The following ABCB5 variants were observed in gnomAD, a reference collection of about 807,000 sequenced individuals.
ABCB5 encodes the protein ATP binding cassette subfamily B member 5, also known as ATP-binding cassette sub-family B member 5.
ABCB5 carries 155 observed loss-of-function variants against 144.2 expected under a neutral mutation model. That is an observed-to-expected ratio of 1.08 (90% CI 0.94 to 1.23). The LOEUF (loss-of-function observed/expected upper bound fraction) is 1.23. Among genes scored for constraint, ABCB5 ranks in the 50% most tolerant of loss-of-function variants. The pLI is 0.00. For missense variants in ABCB5, 1,830 were observed against 1,520.8 expected (o/e 1.20, Z -3.38); for synonymous variants, 610 against 528.6 (o/e 1.15, Z -2.11).
chr7:20,733,226 A>G (rs2128052876), intron 23 of ABCB5, among the ~76,000 whole-genome samples: 1 of 152,170 alleles, frequency 6.6e-6, no homozygotes, highest in Admixed American at 6.5e-5. Flanking sequence ...GTGGCCAAAC[A>G]TTCATAGAAT....
intron 14 of ABCB5, chr7:20,660,129 G>T: frequency 2.0e-6 from 2 of 982,516 alleles, no homozygotes; most frequent in Non-Finnish European, 2.4e-6. Context: ...ATAGTTGCTT[G>T]GTGACATGAT....
At chr7:20,646,410 T>G (rs1304265187) in intron 9 of ABCB5, among the ~76,000 whole-genome samples, 1 of 152,226 alleles carries the variant, frequency 6.6e-6, no homozygotes, top group African/African-American at 2.4e-5. Flanking sequence ...GGAAATACAC[T>G]GAGTTTTGTT....
chr7:20,667,745 C>T (rs1342802166), intron 14 of ABCB5, among the ~76,000 whole-genome samples: 3 of 150,562 alleles, frequency 2.0e-5, no homozygotes, highest in African/African-American at 4.9e-5. Flanking sequence ...CTGCCTCTGC[C>T]TCTGCCTCGT....
At chr7:20,617,157 G>C (rs1263487256) in intron 1 of ABCB5, among the ~76,000 whole-genome samples, 2 of 152,158 alleles carry the variant, frequency 1.3e-5, no homozygotes. Flanking sequence ...CTGTAATGGA[G>C]TCTAAGCTCT....
intron 20 of ABCB5, among the ~76,000 whole-genome samples, chr7:20,713,180 A>G (rs1718670210): frequency 6.7e-6 from 1 of 148,874 alleles, no homozygotes; most frequent in African/African-American, 2.5e-5. Flanking sequence ...GTTGGTGTCC[A>G]TGGATTCATT....
intron 13 of ABCB5, among the ~76,000 whole-genome samples, chr7:20,654,683 C>T (rs1784712264): frequency 6.6e-6 from 1 of 151,942 alleles, no homozygotes; most frequent in Admixed American, 6.6e-5. Context: ...AAGTAAACTA[C>T]ACAAATATTT....
At chr7:20,643,085 C>T in intron 5 of ABCB5, 99 bp from the exon 6 acceptor site, 1 of 993,602 alleles carries the variant, frequency 1.0e-6, no homozygotes, top group South Asian at 1.8e-5. Context: ...CTAGTTCTAG[C>T]ATAAATTTCC....
intron 23 of ABCB5, among the ~76,000 whole-genome samples, chr7:20,730,616 A>G (rs1054747521): frequency 3.9e-5 from 6 of 152,236 alleles, no homozygotes; most frequent in Non-Finnish European, 8.8e-5. Context: ...ATAAACCACA[A>G]TTATATTTAG....
intron 1 of ABCB5, among the ~76,000 whole-genome samples, chr7:20,618,617 A>T (rs557810865): frequency 2.6e-5 from 4 of 151,992 alleles, no homozygotes; most frequent in Admixed American, 1.3e-4. Flanking sequence ...CTTTATGTCC[A>T]TGTGGACCCA....
At chr7:20,718,740 T>C (rs1334024576) in intron 20 of ABCB5, among the ~76,000 whole-genome samples, 1 of 152,196 alleles carries the variant, frequency 6.6e-6, no homozygotes, top group Non-Finnish European at 1.5e-5. Context: ...TAAGAGTATA[T>C]ACACCTTTTT....
chr7:20,711,828 C>CT (rs1195580835), intron 20 of ABCB5, among the ~76,000 whole-genome samples: 2 of 55,240 alleles, frequency 3.6e-5, no homozygotes, highest in African/African-American at 3.2e-4. Flanking sequence ...TTCTTTCTTT[C>CT]TTTCTTTCTT....
Position 20,661,114 on chromosome 7 carries a change from A to T in ABCB5, c.1707+2438A>T, listed in dbSNP as rs577338361. On this transcript the variant is annotated intron_variant, in intron 14 of 27. Coordinates refer to ENST00000404938, the MANE Select transcript of ABCB5 (RefSeq NM_001163941.2). ...AGCCAAGTGTTGCTATTCAAATGAA[A>T]ATTTGGTGACATCGTACTTCAACTT... Among the ~76,000 whole-genome samples, 8 of 152,278 alleles carry T rather than the reference A, an allele frequency of 5.3e-5. 1 individual carries two copies. The South Asian group carries it at 1.7e-3, about 32-fold the overall frequency.
At chr7:20,642,875 C>A (rs1281230604) in intron 5 of ABCB5, among the ~76,000 whole-genome samples, 1 of 152,200 alleles carries the variant, frequency 6.6e-6, no homozygotes, top group African/African-American at 2.4e-5. Flanking sequence ...GTTCCACCTA[C>A]AATTACCTTG....
rs1477684300 is a variant in ABCB5 at position 20,643,483 on chromosome 7, G to T, written c.529G>T (p.Gly177Cys). 1 of 1,613,984 alleles carries T rather than the reference G, an allele frequency of 6.2e-7. No homozygotes were observed. ...CAGTGACATTGACAAAATCAGTGATGGTATTGGAGATAAGATTGCTCTGTT... is the reference window on the plus strand; with the variant it reads ...CAGTGACATTGACAAAATCAGTGATTGTATTGGAGATAAGATTGCTCTGTT... Reference protein sequence around the residue: ...MTDDIDKISDGIGDKIALLFQ... With the variant: ...MTDDIDKISDCIGDKIALLFQ... The change falls in exon 7 of 28, where the codon GGT (glycine) becomes TGT (cysteine). Residue 177 changes from glycine to cysteine, a missense_variant. Transcript: ENST00000404938.
intron 2 of ABCB5, among the ~76,000 whole-genome samples, chr7:20,624,300 C>T (rs1197499536): frequency 6.6e-6 from 1 of 152,172 alleles, no homozygotes; most frequent in Non-Finnish European, 1.5e-5. Context: ...TGGGTTCTGG[C>T]GTCAGACTGA....
At chr7:20,658,327 C>CTT (rs759670787) in intron 13 of ABCB5, among the ~76,000 whole-genome samples, 179 bp from the exon 14 acceptor site, 29,684 of 140,570 alleles carry the variant, frequency 0.21, 3,079 homozygotes, top group Admixed American at 0.23. Flanking sequence ...TCTTTGGGCT[C>CTT]TTTTTTTTTT....
chr7:20,670,387 GA>G (rs373015003), intron 14 of ABCB5, among the ~76,000 whole-genome samples: 6,052 of 142,198 alleles, frequency 0.043, 310 homozygotes, highest in African/African-American at 0.12. Context: ...AAAAGAAAAA[GA>G]AAAAAAAAAG....
chr7:20,737,259 C>T (rs1583461385), intron 23 of ABCB5, among the ~76,000 whole-genome samples: 1 of 152,178 alleles, frequency 6.6e-6, no homozygotes, highest in South Asian at 2.1e-4. Context: ...CAACATAACC[C>T]TCATCGGCAT....
At position 20,651,528 on chromosome 7, in the gene ABCB5, A is replaced by G; in HGVS notation, c.1441A>G (p.Asn481Asp). Residue 481 changes from asparagine (N) to aspartate (D), a missense_variant, in exon 13 of 28, where the codon AAT (asparagine) becomes GAT (aspartate). By Grantham distance (23) the Asn-to-Asp change is conservative. Transcript: ENST00000404938. ...PVLFGTTISNNIKYGRDDVTD... is the reference protein window; with the variant it reads ...PVLFGTTISNDIKYGRDDVTD... ...TTTGTTCGGGACCACCATCAGTAACAATATCAAGTATGGACGAGATGATGT... is the reference window on the plus strand; with the variant it reads ...TTTGTTCGGGACCACCATCAGTAACGATATCAAGTATGGACGAGATGATGT... 1 of 1,614,132 alleles carries G rather than the reference A, an allele frequency of 6.2e-7. No homozygotes were observed. The highest frequency in any genetic ancestry group is 8.5e-7 in the Non-Finnish European group (1 of 1,180,012).
Sources: allele counts gnomAD v4.1 joint callset (sites outside exome capture counted in the v4.1 genomes callset), GRCh38; gene constraint gnomAD v4.1.1; transcripts MANE v1.5; gene names NCBI Gene and HGNC (gene_info 2026-07-23, HGNC 2026-07-21).